The following SH3BGRL2 variants were observed in gnomAD, a reference collection of about 807,000 sequenced individuals.
SH3BGRL2 encodes SH3 domain binding glutamate rich protein like 2.
In SH3BGRL2, 21 loss-of-function variants were observed where a neutral mutation model predicts 14.8. The observed-to-expected ratio is 1.42, with a 90% CI of 1.01 to 2.05. SH3BGRL2 has a LOEUF of 2.05. SH3BGRL2 is among the 30% of genes most tolerant of loss of function. SH3BGRL2 has a pLI of 0.00. For missense variants in SH3BGRL2, 147 were observed against 130.8 expected, an observed-to-expected ratio of 1.12 and a Z score of -0.61; for synonymous variants, 50 against 47.8, an observed-to-expected ratio of 1.05 and a Z score of -0.19.
the SH3BGRL2 span, among the ~76,000 whole-genome samples, chr6:79,618,974 G>A: frequency 6.1e-5 from 9 of 148,276 alleles, no homozygotes; most frequent in East Asian, 1.2e-3. Flanking sequence ...AAAGTCACCC[G>A]TGTGTAATGC....
At chr6:79,634,686 C>G (rs2127722150) in intron 1 of SH3BGRL2, among the ~76,000 whole-genome samples, 1 of 152,244 alleles carries the variant, frequency 6.6e-6, no homozygotes, top group South Asian at 2.1e-4. Flanking sequence ...AGGGTGTGAT[C>G]TGTGTCTCCA....
At chr6:79,695,115 A>G (rs951185749) in intron 2 of SH3BGRL2, among the ~76,000 whole-genome samples, 5 of 152,156 alleles carry the variant, frequency 3.3e-5, no homozygotes, top group African/African-American at 1.2e-4. Flanking sequence ...CTGCCCAAGA[A>G]TGCTCCCATC....
chr6:79,683,214 G>C (rs1032023618), intron 2 of SH3BGRL2, among the ~76,000 whole-genome samples: 3 of 151,968 alleles, frequency 2.0e-5, no homozygotes, highest in Non-Finnish European at 2.9e-5. Context: ...AAAAACACTG[G>C]TATATTATAG....
At chr6:79,596,055 A>T in the SH3BGRL2 span, among the ~76,000 whole-genome samples, 1 of 152,210 alleles carries the variant, frequency 6.6e-6, no homozygotes, top group African/African-American at 2.4e-5. Flanking sequence ...AAAATTAAAC[A>T]ATTCCATTTA....
chr6:79,612,741 A>G, the SH3BGRL2 span, among the ~76,000 whole-genome samples: 28 of 152,238 alleles, frequency 1.8e-4, no homozygotes, highest in Admixed American at 2.0e-4. Flanking sequence ...GAAAGCAGAA[A>G]GAGGCTGCTC....
chr6:79,631,044 C>G (rs558510538), upstream of SH3BGRL2, among the ~76,000 whole-genome samples: 9 of 152,274 alleles, frequency 5.9e-5, no homozygotes, highest in East Asian at 1.7e-3. Context: ...GACTTTGAAC[C>G]GAGCCCTTTT....
rs889193525 is a variant in SH3BGRL2 at position 79,631,413 on chromosome 6, C to T, written c.-49C>T. 2 of 1,486,570 alleles carry T rather than the reference C, an allele frequency of 1.3e-6. No homozygotes were observed. The highest frequency in any genetic ancestry group is 1.8e-6 in the Non-Finnish European group (2 of 1,115,416). The allele number at this position is 1,486,570 out of a possible 1,614,324, so 92.1% of individuals were successfully genotyped here. ...GCTGGGTTCAGCTCTGCGTCCACGC[C>T]AGCCCGGAGCCCGGGGGGCAAGGGG... is the stretch of plus-strand genomic sequence containing the variant. On this transcript the variant is annotated 5_prime_UTR_variant, in exon 1 of 4. Coordinates refer to ENST00000369838, the MANE Select transcript of SH3BGRL2 (RefSeq NM_031469.4).
chr6:79,631,323 G>A, upstream of SH3BGRL2: 1 of 700,928 alleles, frequency 1.4e-6, no homozygotes, highest in Non-Finnish European at 2.1e-6. Context: ...CCGCCGGGAG[G>A]GAGCCAGATC....
In SH3BGRL2 at chr6:79,648,279, T is replaced by TATATATATATATATATATATAA. The variant is rs752182712; in HGVS notation, c.45+16777_45+16778insATATATATATATATATAAATAT. Among the ~76,000 whole-genome samples the TATATATATATATATATATATAA allele has an allele frequency of 1.5e-3, 178 of 117,152 alleles. 4 individuals carry two copies. The highest frequency in any genetic ancestry group is 2.1e-3 in the Non-Finnish European group (120 of 57,202). The allele number at this position is 117,152 out of a possible 152,430, so 76.9% of individuals were successfully genotyped here. ...GCATATATATATATATATATATATA[T>TATATATATATATATATATATAA]ATATTTGACATATATTATATATAAT... is the stretch of plus-strand genomic sequence containing the variant. On this transcript the variant is annotated intron_variant, in intron 1 of 3. Coordinates refer to ENST00000369838, the MANE Select transcript of SH3BGRL2 (RefSeq NM_031469.4).
At chr6:79,551,429 T>C in the SH3BGRL2 span, among the ~76,000 whole-genome samples, 5 of 147,078 alleles carry the variant, frequency 3.4e-5, no homozygotes, top group Admixed American at 6.9e-5. Context: ...ATCAATGCTG[T>C]GAATCACTCA....
At chr6:79,615,826 T>C in the SH3BGRL2 span, among the ~76,000 whole-genome samples, 4 of 122,806 alleles carry the variant, frequency 3.3e-5, no homozygotes, top group Admixed American at 8.3e-5. Context: ...CCTTTTTTTT[T>C]TCTTTCTTTT....
chr6:79,551,346 G>A, the SH3BGRL2 span, among the ~76,000 whole-genome samples: 1 of 152,174 alleles, frequency 6.6e-6, no homozygotes, highest in Admixed American at 6.5e-5. Flanking sequence ...GCAGTGGGCT[G>A]TCTAAAAGTC....
At chr6:79,668,259 A>AG (rs1402277626) in intron 1 of SH3BGRL2, among the ~76,000 whole-genome samples, 2 of 152,144 alleles carry the variant, frequency 1.3e-5, no homozygotes, top group African/African-American at 2.4e-5. Context: ...GCCACAGAGT[A>AG]GGGGGTTAAG....
At chr6:79,685,294 TTC>T (rs1480446773) in intron 2 of SH3BGRL2, among the ~76,000 whole-genome samples, 2 of 152,198 alleles carry the variant, frequency 1.3e-5, no homozygotes, top group Non-Finnish European at 2.9e-5. Flanking sequence ...CTGTTTCAAA[TTC>T]TCTCTCTTTC....
intron 1 of SH3BGRL2, among the ~76,000 whole-genome samples, chr6:79,647,223 T>C (rs960738926): frequency 1.3e-5 from 2 of 152,148 alleles, no homozygotes; most frequent in Non-Finnish European, 2.9e-5. Flanking sequence ...GTCTTTTTCA[T>C]TGTAGCACTT....
At chr6:79,581,268 A>T in the SH3BGRL2 span, among the ~76,000 whole-genome samples, 2 of 152,178 alleles carry the variant, frequency 1.3e-5, no homozygotes, top group Admixed American at 1.3e-4. Context: ...AAAAAGAAGG[A>T]ACCCTCCCTA....
chr6:79,673,569 T>C (rs1261011777), intron 1 of SH3BGRL2, 45 bp from the exon 2 acceptor site: 1 of 1,575,444 alleles, frequency 6.3e-7, no homozygotes, highest in Non-Finnish European at 8.7e-7. Context: ...ATACATACTG[T>C]TTCAGATAAG....
chr6:79,547,888 CAG>C, the SH3BGRL2 span, among the ~76,000 whole-genome samples: 1 of 152,078 alleles, frequency 6.6e-6, no homozygotes, highest in Non-Finnish European at 1.5e-5. Context: ...TTTTTTGAGA[CAG>C]AGTCTCACCC....
At chr6:79,668,598 A>G (rs1201247901) in intron 1 of SH3BGRL2, among the ~76,000 whole-genome samples, 1 of 152,068 alleles carries the variant, frequency 6.6e-6, no homozygotes, top group Non-Finnish European at 1.5e-5. Context: ...TCCTGAAGTT[A>G]GTGGGGGGGA....
Sources: allele counts gnomAD v4.1 joint callset (sites outside exome capture counted in the v4.1 genomes callset), GRCh38; gene constraint gnomAD v4.1.1; transcripts MANE v1.5; gene names NCBI Gene and HGNC (gene_info 2026-07-23, HGNC 2026-07-21).